Variants in IPO11 observed in about 807,000 individuals in gnomAD.
IPO11 encodes importin-11.
In IPO11, 66 loss-of-function variants were observed where a neutral mutation model predicts 143.2. The observed-to-expected ratio is 0.46, with a 90% CI of 0.38 to 0.57. IPO11 has a LOEUF of 0.57. IPO11 is among the 20% of genes least tolerant of loss of function. IPO11 has a pLI of 0.00. For missense variants in IPO11, 1,026 were observed against 1,141.0 expected (o/e 0.90, Z 1.45); for synonymous variants, 385 against 377.8 (o/e 1.02, Z -0.22).
intron 20 of IPO11, among the ~76,000 whole-genome samples, chr5:62,519,927 C>T (rs1742149494): frequency 1.3e-5 from 2 of 152,176 alleles, no homozygotes; most frequent in Non-Finnish European, 2.9e-5. Flanking sequence ...CATCTAGGGT[C>T]CCCTCTTGTT....
At chr5:62,553,481 T>C (rs1743464250) in intron 26 of IPO11, among the ~76,000 whole-genome samples, 1 of 152,038 alleles carries the variant, frequency 6.6e-6, no homozygotes, top group African/African-American at 2.4e-5. Context: ...ATACAATGAT[T>C]TCCTTTCTTT....
intron 2 of IPO11, among the ~76,000 whole-genome samples, chr5:62,441,620 A>G (rs1159298969): frequency 6.9e-6 from 1 of 144,322 alleles, no homozygotes; most frequent in Non-Finnish European, 1.5e-5. Context: ...GGTTCAAGCA[A>G]TTCTCCTGCC....
chr5:62,614,588 C>G (rs984801657), intron 29 of IPO11, among the ~76,000 whole-genome samples: 1 of 152,156 alleles, frequency 6.6e-6, no homozygotes, highest in South Asian at 2.1e-4. Flanking sequence ...GTGCTCAAGC[C>G]CCTTATGGGA....
chr5:62,608,059 TC>T (rs1745791386), intron 29 of IPO11, among the ~76,000 whole-genome samples: 1 of 152,142 alleles, frequency 6.6e-6, no homozygotes, highest in African/African-American at 2.4e-5. Context: ...CCTCAAGTGA[TC>T]CACCCGCCTT....
At chr5:62,559,818 A>G (rs186520197) in intron 26 of IPO11, among the ~76,000 whole-genome samples, 166 of 148,032 alleles carry the variant, frequency 1.1e-3, no homozygotes, top group African/African-American at 3.8e-3. Context: ...TGGGAGGCTC[A>G]GGCAGGAGAA....
chr5:62,544,701 C>A (rs971139646), intron 24 of IPO11, among the ~76,000 whole-genome samples: 15 of 152,060 alleles, frequency 9.9e-5, no homozygotes, highest in Admixed American at 2.6e-4. Flanking sequence ...TTTAGAAAAC[C>A]CCATCATCTC....
At chr5:62,489,792 G>T (rs1353579789) in intron 14 of IPO11, among the ~76,000 whole-genome samples, 1 of 152,148 alleles carries the variant, frequency 6.6e-6, no homozygotes, top group East Asian at 1.9e-4. Context: ...GTTGAGGCTG[G>T]AGAGAGTTAA....
intron 27 of IPO11, among the ~76,000 whole-genome samples, chr5:62,585,549 A>C (rs990072813): frequency 6.6e-6 from 1 of 152,188 alleles, no homozygotes; most frequent in South Asian, 2.1e-4. Flanking sequence ...ACCAGGTCAT[A>C]TATAGGGCTG....
chr5:62,420,161 C>T (rs539353104), intron 1 of IPO11, among the ~76,000 whole-genome samples: 1 of 151,846 alleles, frequency 6.6e-6, no homozygotes, highest in Non-Finnish European at 1.5e-5. Flanking sequence ...CGTGGTGGCA[C>T]ACACCTGTAA....
intron 28 of IPO11, among the ~76,000 whole-genome samples, chr5:62,592,595 A>C (rs2112429759): frequency 6.6e-6 from 1 of 152,286 alleles, no homozygotes; most frequent in South Asian, 2.1e-4. Context: ...ACGCTGCTAT[A>C]AAGAACTGCC....
chr5:62,561,685 T>G (rs1268773865), intron 27 of IPO11, among the ~76,000 whole-genome samples: 1 of 152,208 alleles, frequency 6.6e-6, no homozygotes. Flanking sequence ...TTTGGATTAT[T>G]TCTAAGGACG....
chr5:62,496,223 G>T (rs1036545510), intron 16 of IPO11, among the ~76,000 whole-genome samples: 6 of 151,846 alleles, frequency 4.0e-5, no homozygotes, highest in Non-Finnish European at 7.4e-5. Context: ...GGGAGGCAAA[G>T]GTTGCAGTGA....
chr5:62,550,903 G>A (rs2112348670), intron 25 of IPO11, among the ~76,000 whole-genome samples: 1 of 150,818 alleles, frequency 6.6e-6, no homozygotes, highest in East Asian at 1.9e-4. Context: ...GTTGCAGTGA[G>A]CCGAGATTGC....
At chr5:62,422,909 A>T (rs769882223) in intron 1 of IPO11, among the ~76,000 whole-genome samples, 1 of 152,150 alleles carries the variant, frequency 6.6e-6, no homozygotes, top group Non-Finnish European at 1.5e-5. Flanking sequence ...TCAAGTGCCT[A>T]GACTAGTGTC....
intron 1 of IPO11, among the ~76,000 whole-genome samples, chr5:62,435,118 G>GTATATATATGTATATATGTA (rs1474091511): frequency 4.9e-5 from 3 of 60,704 alleles, no homozygotes; most frequent in African/African-American, 2.1e-4. Flanking sequence ...ATGTATATAT[G>GTATATATATGTATATATGTA]TATATATGTA....
chr5:62,447,107 A>AT (rs1232637173), intron 3 of IPO11, among the ~76,000 whole-genome samples: 59 of 149,186 alleles, frequency 4.0e-4, no homozygotes, highest in African/African-American at 1.4e-3. Context: ...AATTATATAT[A>AT]TATATTTTTT....
At chr5:62,599,419 A>G (rs978211656) in intron 28 of IPO11, among the ~76,000 whole-genome samples, 6 of 152,248 alleles carry the variant, frequency 3.9e-5, no homozygotes, top group African/African-American at 1.4e-4. Flanking sequence ...AAAAATTTTG[A>G]GGAAAAATAC....
At chr5:62,606,032 A>G (rs1042430414) in intron 29 of IPO11, among the ~76,000 whole-genome samples, 1 of 151,342 alleles carries the variant, frequency 6.6e-6, no homozygotes. Flanking sequence ...CACCCTCCCT[A>G]TTTTTTCATA....
intron 20 of IPO11, among the ~76,000 whole-genome samples, chr5:62,521,729 C>T (rs144653162): frequency 2.0e-5 from 3 of 151,902 alleles, no homozygotes; most frequent in African/African-American, 7.2e-5. Flanking sequence ...TTGTTTCCTT[C>T]CTGCTTTTTT....
Sources: gnomAD v4.1 joint callset for allele counts (sites outside exome capture counted in the v4.1 genomes callset) on GRCh38, gnomAD v4.1.1 for gene constraint, MANE v1.5 for transcripts, NCBI Gene and HGNC (gene_info 2026-07-23, HGNC 2026-07-21) for gene names.